The following PRICKLE2 variants were observed in gnomAD, a reference collection of about 807,000 sequenced individuals.
PRICKLE2 encodes prickle-like protein 2.
In PRICKLE2, 21 loss-of-function variants were observed where a neutral mutation model predicts 81.4. The observed-to-expected ratio is 0.26, with a 90% confidence interval of 0.18 to 0.37. The LOEUF (loss-of-function observed/expected upper bound fraction) is 0.37, where lower values mean the gene tolerates loss of function less well. Among genes scored for constraint, PRICKLE2 ranks in the 10% least tolerant of loss-of-function variants. The pLI is 1.00. For missense variants in PRICKLE2, 940 were observed against 1,109.0 expected (o/e 0.85, Z 2.16); for synonymous variants, 456 against 421.5 (o/e 1.08, Z -1.00).
At position 64,147,436 on chromosome 3, in the gene PRICKLE2, G is replaced by C. The variant is rs747128824; in HGVS notation, c.1054C>G (p.Leu352Val). 1 of 1,614,244 alleles carries C rather than the reference G, an allele frequency of 6.2e-7. No homozygotes were observed. The highest frequency in any genetic ancestry group is 8.5e-7 in the Non-Finnish European group (1 of 1,180,050). Residue 352 changes from leucine to valine, a missense_variant, in exon 7 of 8, where the codon CTG becomes GTG. By Grantham distance (32) the Leu-to-Val change is conservative (BLOSUM62 1). Transcript: ENST00000638394. This position sits in a 1 kb window ranked among gnomAD's most constrained non-coding sequence, Gnocchi z 5.0. The part of the protein sequence containing the change: ...KNKGKTEEPM[L>V]NQHSQLQVSS... ...ACTTGCAGCTGGCTGTGCTGGTTCA[G>C]CATGGGCTCCTCCGTCTTGCCCTTG...
intron 7 of PRICKLE2, chr3:64,102,631 A>G (rs1276322853): frequency 1.3e-5 from 2 of 152,230 alleles, no homozygotes; most frequent in East Asian, 3.8e-4. Context: ...GAAATAAAGT[A>G]CATAATAAAT....
intron 1 of PRICKLE2, among the ~76,000 whole-genome samples, chr3:64,204,085 G>A (rs747947925): frequency 6.6e-6 from 1 of 152,118 alleles, no homozygotes; most frequent in South Asian, 2.1e-4. Flanking sequence ...GCCTGCTCTA[G>A]GTACTTGGGT....
intron 5 of PRICKLE2, among the ~76,000 whole-genome samples, chr3:64,155,527 C>G (rs778671753): frequency 5.3e-5 from 8 of 152,120 alleles, no homozygotes; most frequent in Non-Finnish European, 1.0e-4. Context: ...CCCAGCAATT[C>G]CACTCCTGGG....
intron 1 of PRICKLE2, among the ~76,000 whole-genome samples, chr3:64,203,070 T>A (rs2078617794): frequency 1.3e-5 from 2 of 152,204 alleles, no homozygotes; most frequent in South Asian, 4.1e-4. Flanking sequence ...AATTTCAACA[T>A]AAAAATGTAC....
chr3:64,227,320 C>T (rs181682246), upstream of PRICKLE2, among the ~76,000 whole-genome samples: 420 of 152,316 alleles, frequency 2.8e-3, 1 homozygote, highest in African/African-American at 9.4e-3. Flanking sequence ...GCAAGTCTAA[C>T]AGTTTGGGGC....
chr3:64,160,790 C>T (rs1338181371), intron 3 of PRICKLE2, among the ~76,000 whole-genome samples: 1 of 152,118 alleles, frequency 6.6e-6, no homozygotes, highest in Non-Finnish European at 1.5e-5. Flanking sequence ...CCAGTATCTC[C>T]CCTTACTTAT....
At chr3:64,195,001 C>T (rs1355266653) in intron 2 of PRICKLE2, among the ~76,000 whole-genome samples, 2 of 152,094 alleles carry the variant, frequency 1.3e-5, no homozygotes, top group African/African-American at 4.8e-5. Flanking sequence ...ATGATCGTAC[C>T]ACTGCCCTCC....
At chr3:64,119,937 CAAGTG>C (rs1442034833) in intron 7 of PRICKLE2, among the ~76,000 whole-genome samples, 1 of 152,096 alleles carries the variant, frequency 6.6e-6, no homozygotes, top group African/African-American at 2.4e-5. Flanking sequence ...GCCATTTTCC[CAAGTG>C]AATTAAGGTG....
chr3:64,107,648 C>A (rs2076777521), intron 7 of PRICKLE2, among the ~76,000 whole-genome samples: 1 of 151,970 alleles, frequency 6.6e-6, no homozygotes. Context: ...ATGAGACCAG[C>A]CCTGGAAACA....
intron 7 of PRICKLE2, among the ~76,000 whole-genome samples, chr3:64,112,336 C>G (rs960971627): frequency 6.6e-6 from 1 of 152,176 alleles, no homozygotes; most frequent in Non-Finnish European, 1.5e-5. Context: ...ATACAATGTA[C>G]TCCTTTAGGC....
intron 7 of PRICKLE2, among the ~76,000 whole-genome samples, chr3:64,129,825 T>C (rs1437663838): frequency 2.0e-5 from 3 of 151,992 alleles, no homozygotes; most frequent in Non-Finnish European, 2.9e-5. Flanking sequence ...AAACAAACAA[T>C]GAAAGGGAGG....
intron 4 of PRICKLE2, 89 bp downstream of exon 4, chr3:64,159,851 T>C (rs2077701790): frequency 1.3e-6 from 2 of 1,529,230 alleles, no homozygotes; most frequent in Non-Finnish European, 1.8e-6. Context: ...AGGCACATAG[T>C]AGGCACTCAG....
At chr3:64,162,108 A>T (rs1217066549) in intron 3 of PRICKLE2, among the ~76,000 whole-genome samples, 1 of 152,002 alleles carries the variant, frequency 6.6e-6, no homozygotes, top group African/African-American at 2.4e-5. Context: ...ACTGAAAAGC[A>T]CTCATTTCCC....
intron 2 of PRICKLE2, among the ~76,000 whole-genome samples, chr3:64,181,352 G>T (rs372565426): frequency 6.6e-5 from 10 of 152,180 alleles, no homozygotes; most frequent in African/African-American, 2.4e-4. Context: ...GCATCCTTCC[G>T]CATCCTGACA....
At chr3:64,139,400 C>T (rs1053196678) in intron 7 of PRICKLE2, among the ~76,000 whole-genome samples, 4 of 152,250 alleles carry the variant, frequency 2.6e-5, no homozygotes, top group African/African-American at 9.6e-5. Context: ...ACCCACTCCC[C>T]TTGGGACACT....
chr3:64,161,873 T>C (rs753755861), intron 3 of PRICKLE2, among the ~76,000 whole-genome samples: 1 of 152,146 alleles, frequency 6.6e-6, no homozygotes, highest in Admixed American at 6.5e-5. Context: ...CATTTTCACT[T>C]CCAAATTAGT....
chr3:64,258,845 A>AGAAAGAAAGAAAGAAAGAAAG (rs1553663503), intron 2 of PRICKLE2, among the ~76,000 whole-genome samples: 1 of 34,008 alleles, frequency 2.9e-5, no homozygotes, highest in Non-Finnish European at 5.2e-5. Context: ...AAAAAAAAAA[A>AGAAAGAAAGAAAGAAAGAAAG]AAAGAAAGAA....
intron 7 of PRICKLE2, among the ~76,000 whole-genome samples, chr3:64,117,632 T>A (rs1425717985): frequency 6.6e-6 from 1 of 152,266 alleles, no homozygotes; most frequent in Non-Finnish European, 1.5e-5. Flanking sequence ...TACCTAGGAA[T>A]ACAGCTGACT....
At chr3:64,180,293 A>G (rs2078105812) in intron 2 of PRICKLE2, among the ~76,000 whole-genome samples, 1 of 152,164 alleles carries the variant, frequency 6.6e-6, no homozygotes, top group African/African-American at 2.4e-5. Context: ...CTATGTATGT[A>G]TGTGTTTATT....
Sources: gnomAD v4.1 joint callset for allele counts (sites outside exome capture counted in the v4.1 genomes callset) on GRCh38, gnomAD v4.1.1 for gene constraint, Gnocchi (gnomAD v3.1) non-coding constraint, MANE v1.5 for transcripts, NCBI Gene and HGNC (gene_info 2026-07-23, HGNC 2026-07-21) for gene names.